Variants in NTAQ1 observed in about 807,000 individuals in gnomAD.
NTAQ1 encodes the protein protein N-terminal glutamine amidohydrolase.
Under a neutral mutation model 28.2 loss-of-function variants are expected in NTAQ1, and 21 were observed. The observed-to-expected ratio is 0.74, with a 90% CI of 0.53 to 1.07. NTAQ1 has a LOEUF of 1.07. NTAQ1 is among the 50% of genes least tolerant of loss of function. The pLI, the probability that NTAQ1 is intolerant of heterozygous loss-of-function variation, is 0.00. For synonymous variants in NTAQ1, 105 were observed against 90.0 expected, an observed-to-expected ratio of 1.17 and a Z score of -0.94; for missense variants, 264 against 256.6, an observed-to-expected ratio of 1.03 and a Z score of -0.20.
intron 6 of NTAQ1, among the ~76,000 whole-genome samples, chr8:123,453,750 A>G (rs1233412037): frequency 6.6e-6 from 1 of 152,138 alleles, no homozygotes; most frequent in Non-Finnish European, 1.5e-5. Flanking sequence ...TAAGCTCTTC[A>G]TGTGTATGAA....
chr8:123,439,814 C>T (rs892862248), intron 5 of NTAQ1, among the ~76,000 whole-genome samples: 2 of 149,120 alleles, frequency 1.3e-5, no homozygotes, highest in African/African-American at 2.5e-5. Context: ...ATTAGCCAGG[C>T]GTGGTGGTGC....
intron 6 of NTAQ1, among the ~76,000 whole-genome samples, chr8:123,456,115 T>C (rs1815643107): frequency 6.6e-6 from 1 of 152,222 alleles, no homozygotes; most frequent in Non-Finnish European, 1.5e-5. Context: ...AAGGGTGATA[T>C]TTAGGTTCTT....
rs1442818184 is a variant in NTAQ1 at position 123,456,791 on chromosome 8, T to G, written c.373-10288T>G. Among the ~76,000 whole-genome samples the G allele has an allele frequency of 2.0e-5, 3 of 152,226 alleles. No individual in the cohort carries two copies. The East Asian group carries it at 5.8e-4, about 29-fold the overall frequency. On this transcript the variant is annotated intron_variant, in intron 6 of 6. Transcript: ENST00000650311. ...TCAGAAACAAACGAATCAATTTTTT[T>G]CAATTTCTGTGGAGGACAATCCAGA...
At chr8:123,472,698 G>A (rs1006269237), downstream of NTAQ1, among the ~76,000 whole-genome samples, 25 of 152,148 alleles carry the variant, frequency 1.6e-4, no homozygotes, top group African/African-American at 5.6e-4. Context: ...AATTACATTT[G>A]CAGAAACCCT....
exon 7 of NTAQ1, chr8:123,467,358 T>C (rs1435831467): frequency 1.3e-5 from 2 of 152,158 alleles, no homozygotes; most frequent in Admixed American, 1.3e-4. Context: ...TTCTAAATGT[T>C]TGTGCCAACT....
chr8:123,450,419 G>A (rs1210275372), downstream of NTAQ1, among the ~76,000 whole-genome samples: 3 of 144,176 alleles, frequency 2.1e-5, no homozygotes, highest in Admixed American at 6.9e-5. Context: ...TGGGAAGGGG[G>A]CAGAGAAAGG....
chr8:123,465,108 T>C (rs1815929850), intron 6 of NTAQ1, among the ~76,000 whole-genome samples: 1 of 152,110 alleles, frequency 6.6e-6, no homozygotes. Context: ...CCCTTTTATT[T>C]TGAACGAATT....
At chr8:123,434,257 C>A (rs568200098) in intron 3 of NTAQ1, among the ~76,000 whole-genome samples, 1 of 152,204 alleles carries the variant, frequency 6.6e-6, no homozygotes, top group East Asian at 1.9e-4. Context: ...AGGGTGAGAA[C>A]TTATCTTTTT....
intron 5 of NTAQ1, among the ~76,000 whole-genome samples, chr8:123,437,969 G>C (rs2130307104): frequency 6.6e-6 from 1 of 152,322 alleles, no homozygotes; most frequent in Non-Finnish European, 1.5e-5. Context: ...AGCGGGACTA[G>C]TAGCACCTTG....
downstream of NTAQ1, among the ~76,000 whole-genome samples, chr8:123,470,619 A>G (rs914906743): frequency 2.6e-5 from 4 of 152,242 alleles, no homozygotes; most frequent in East Asian, 1.9e-4. Flanking sequence ...AAGTAATTGT[A>G]TAAGTGTCCT....
chr8:123,426,357 A>G (rs896056886), intron 1 of NTAQ1, among the ~76,000 whole-genome samples: 2 of 152,202 alleles, frequency 1.3e-5, no homozygotes, highest in Admixed American at 1.3e-4. Context: ...AGTATGAGAA[A>G]GAACTTTCTA....
In NTAQ1 at chr8:123,441,304, A is replaced by G; in HGVS notation, c.509-2A>G. On this transcript the variant is annotated splice_acceptor_variant, in intron 5 of 5. Coordinates refer to ENST00000287387, the MANE Select transcript of NTAQ1 (RefSeq NM_018024.3). LOFTEE classifies it high-confidence loss of function. Reference sequence around the variant, plus strand: ...ACATTTTTTTTTCATATATTTTTTTAGATTCCAAAATGAACCTGAACGATT... The same window carrying G: ...ACATTTTTTTTTCATATATTTTTTTGGATTCCAAAATGAACCTGAACGATT... The G allele has an allele frequency of 1.9e-6, 3 of 1,597,770 alleles. No homozygotes were observed. The highest frequency in any genetic ancestry group is 2.6e-6 in the Non-Finnish European group (3 of 1,172,434).
rs768039679 is a variant in NTAQ1 at position 123,438,181 on chromosome 8, C to T, written c.508+847C>T. On this transcript the variant is annotated intron_variant, in intron 5 of 5. Transcript: ENST00000287387. ...CCTGACATTTAAGAAGATAAAGGGTCCTTCACCCTATTACTATTGTTTGGC... is the reference window on the plus strand; with the variant it reads ...CCTGACATTTAAGAAGATAAAGGGTTCTTCACCCTATTACTATTGTTTGGC... 10 of 702,026 alleles carry T rather than the reference C, an allele frequency of 1.4e-5. No individual in the cohort carries two copies. In the South Asian group the frequency reaches 1.5e-4, roughly 10 times the overall value. 43.5% of individuals were successfully genotyped at this position (702,026 alleles called of 1,614,324 possible).
downstream of NTAQ1, among the ~76,000 whole-genome samples, chr8:123,473,554 G>A (rs190822494): frequency 7.2e-5 from 11 of 152,268 alleles, no homozygotes; most frequent in African/African-American, 1.2e-4. Context: ...GCTTCCCAAC[G>A]TGCTGGGATT....
At chr8:123,449,949 G>GTATA (rs772958901), downstream of NTAQ1, among the ~76,000 whole-genome samples, 1 of 8,204 alleles carries the variant, frequency 1.2e-4, no homozygotes, top group African/African-American at 2.4e-4. Context: ...GTGTGTGTGT[G>GTATA]CATATATATA....
Position 123,424,072 on chromosome 8 carries a change from G to GT in NTAQ1, c.84-3834dup, listed in dbSNP as rs35733686. On this transcript the variant is annotated intron_variant, in intron 1 of 5. Coordinates refer to ENST00000287387, the MANE Select transcript of NTAQ1 (RefSeq NM_018024.3). The stretch of plus-strand genomic sequence containing the variant: ...TGATTTTGTGTTTTTATTTTTATGC[G>GT]TTTTTTTTTTTTTTTTTTGAGATGA... Among the ~76,000 whole-genome samples the GT allele has an allele frequency of 4.5e-3, 382 of 85,842 alleles. 36 individuals are homozygous for GT. The highest frequency in any genetic ancestry group is 5.4e-3 in the Non-Finnish European group (262 of 48,210). The allele number at this position is 85,842 out of a possible 152,430, so 56.3% of individuals were successfully genotyped here. A position where few individuals can be genotyped will look rare whatever the true frequency, so the allele number is the denominator to read the frequency against.
rs1244810051 is a variant in NTAQ1, at chr8:123,436,495, A to G, written c.277A>G (p.Asn93Asp). The G allele has an allele frequency of 6.2e-7, 1 of 1,613,754 alleles. No homozygotes were observed. The highest frequency in any genetic ancestry group is 8.5e-7 in the Non-Finnish European group (1 of 1,179,910). ...VLLHVSSGGQNFIYDLDTVLP... is the reference protein window; with the variant it reads ...VLLHVSSGGQDFIYDLDTVLP... ...GCTTCATGTTTCAAGTGGAGGACAG[A>G]ACTTCATTTATGATCTCGATACTGT... The change falls in exon 4 of 6, where the codon AAC (asparagine) becomes GAC (aspartate). Residue 93 changes from asparagine to aspartate, a missense_variant. Transcript: ENST00000287387.
chr8:123,455,327 A>C (rs543329556), intron 6 of NTAQ1, among the ~76,000 whole-genome samples: 1 of 152,144 alleles, frequency 6.6e-6, no homozygotes, highest in East Asian at 1.9e-4. Context: ...CAGAGGAGTC[A>C]GTCCACATCC....
downstream of NTAQ1, among the ~76,000 whole-genome samples, chr8:123,473,777 G>T (rs973587530): frequency 6.6e-6 from 1 of 152,124 alleles, no homozygotes; most frequent in African/African-American, 2.4e-5. Context: ...TGACATTGTA[G>T]CTCTGCCACT....
Sources: gnomAD v4.1 joint callset for allele counts (sites outside exome capture counted in the v4.1 genomes callset) on GRCh38, gnomAD v4.1.1 for gene constraint, MANE v1.5 for transcripts, NCBI Gene and HGNC (gene_info 2026-07-23, HGNC 2026-07-21) for gene names.